Variants in CDH2 observed in about 807,000 individuals in gnomAD.
CDH2 encodes cadherin 2.
Under a neutral mutation model 92.0 loss-of-function variants are expected in CDH2, and 17 were observed. That is an observed-to-expected ratio of 0.18 (90% CI 0.13 to 0.28). The LOEUF is 0.28. Among genes scored for constraint, CDH2 ranks in the 10% least tolerant of loss-of-function variants. The probability of loss-of-function intolerance (pLI) is 1.00; values close to 1 mark genes in which losing one functional copy is unlikely to be tolerated. For missense variants in CDH2, 862 were observed against 1,133.1 expected (o/e 0.76, Z 3.44); for synonymous variants, 419 against 415.9 (o/e 1.01, Z -0.09).
At chr18:28,026,257 C>T (rs1391554534) in intron 2 of CDH2, among the ~76,000 whole-genome samples, 1 of 152,146 alleles carries the variant, frequency 6.6e-6, no homozygotes, top group African/African-American at 2.4e-5. Flanking sequence ...CTGATTTGCC[C>T]ATCAAATGAG....
chr18:27,980,794 CAAAAAAAA>C (rs777659826), intron 14 of CDH2, among the ~76,000 whole-genome samples: 1 of 75,034 alleles, frequency 1.3e-5, no homozygotes, highest in African/African-American at 4.0e-5. Context: ...TGGCTGGGGT[CAAAAAAAA>C]AAAAAAAAAA....
intron 3 of CDH2, among the ~76,000 whole-genome samples, chr18:28,013,481 A>G (rs919016294): frequency 6.6e-6 from 1 of 152,224 alleles, no homozygotes; most frequent in Non-Finnish European, 1.5e-5. Flanking sequence ...TTTAAAATAC[A>G]ATTTCTAGTT....
intron 2 of CDH2, among the ~76,000 whole-genome samples, chr18:28,132,456 G>C (rs539203264): frequency 6.6e-6 from 1 of 152,274 alleles, no homozygotes; most frequent in African/African-American, 2.4e-5. Flanking sequence ...CAGTCAAGGA[G>C]TGAGAGAACC....
chr18:27,966,406 A>T (rs1156731492), intron 14 of CDH2, among the ~76,000 whole-genome samples: 1 of 152,212 alleles, frequency 6.6e-6, no homozygotes, highest in African/African-American at 2.4e-5. Flanking sequence ...ACTGGAGATA[A>T]AAGAGGCATG....
intron 2 of CDH2, among the ~76,000 whole-genome samples, chr18:28,103,565 A>G (rs950614665): frequency 1.3e-4 from 20 of 151,756 alleles, no homozygotes; most frequent in African/African-American, 4.6e-4. Flanking sequence ...GGTTTGTTAC[A>G]TAGGTATACA....
intron 15 of CDH2, 96 bp downstream of exon 15, chr18:27,963,261 T>C (rs986386480): frequency 9.5e-7 from 1 of 1,055,452 alleles, no homozygotes; most frequent in African/African-American, 1.6e-5. Context: ...TTTAGTGAAC[T>C]ATATAGCTGT....
intron 2 of CDH2, among the ~76,000 whole-genome samples, chr18:28,081,646 A>G (rs2014831670): frequency 6.6e-6 from 1 of 152,200 alleles, no homozygotes; most frequent in Admixed American, 6.5e-5. Context: ...CTTATGTGTA[A>G]CAATGCTTGA....
At chr18:27,955,921 A>AT (rs779653822) in intron 15 of CDH2, among the ~76,000 whole-genome samples, 1 of 152,136 alleles carries the variant, frequency 6.6e-6, no homozygotes, top group African/African-American at 2.4e-5. Flanking sequence ...CCAGCTTTCT[A>AT]TGCAGGTTAA....
In CDH2 at chr18:27,951,745, T is replaced by G. The variant is rs1363460339; in HGVS notation, c.*408A>C. The stretch of plus-strand genomic sequence containing the variant: ...TTTTTTTGTTTGTTTAATTTTGTAT[T>G]TTAATAAAAGCAAATGCAATGTAAC... On this transcript the variant is annotated 3_prime_UTR_variant, in exon 16 of 16. Transcript: ENST00000269141. The G allele has an allele frequency of 1.3e-5, 2 of 159,916 alleles. No homozygotes were observed. Among genetic ancestry groups the G allele is most frequent in the African/African-American group, 4.8e-5 (2 of 41,560 alleles). 9.9% of individuals were successfully genotyped at this position (159,916 alleles called of 1,614,324 possible). A position where few individuals can be genotyped will look rare whatever the true frequency, so the allele number is the denominator to read the frequency against.
At chr18:28,176,106 G>T (rs950881429) in intron 1 of CDH2, among the ~76,000 whole-genome samples, 1 of 152,210 alleles carries the variant, frequency 6.6e-6, no homozygotes, top group African/African-American at 2.4e-5. Context: ...TCCTGCCGCG[G>T]AGGAGCCTCT....
intron 2 of CDH2, among the ~76,000 whole-genome samples, chr18:28,101,285 C>T (rs2015221906): frequency 6.6e-6 from 1 of 152,080 alleles, no homozygotes; most frequent in South Asian, 2.1e-4. Flanking sequence ...TTCAGACCTT[C>T]CCATGCCCTC....
At chr18:27,940,128 AT>A (rs1209424088) in intron 6 of CDH2, among the ~76,000 whole-genome samples, 2 of 152,078 alleles carry the variant, frequency 1.3e-5, no homozygotes, top group Non-Finnish European at 2.9e-5. Flanking sequence ...ACAAACATAA[AT>A]CCTTAAATTA....
intron 6 of CDH2, among the ~76,000 whole-genome samples, chr18:27,936,774 A>G (rs532212896): frequency 6.6e-6 from 1 of 152,124 alleles, no homozygotes; most frequent in South Asian, 2.1e-4. Context: ...GGCTCAAGTG[A>G]TCCTCCTGCC....
intron 7 of CDH2, among the ~76,000 whole-genome samples, chr18:27,996,390 AC>A (rs2143988515): frequency 6.6e-6 from 1 of 152,270 alleles, no homozygotes; most frequent in South Asian, 2.1e-4. Flanking sequence ...CCTATGATGC[AC>A]AAGACAGGCC....
At chr18:28,047,597 G>A (rs903361446) in intron 2 of CDH2, among the ~76,000 whole-genome samples, 4 of 152,194 alleles carry the variant, frequency 2.6e-5, no homozygotes, top group Middle Eastern at 3.4e-3. Context: ...GGCCGGGCGC[G>A]GTGGCTCACG....
chr18:28,006,970 G>A (rs574031718), intron 5 of CDH2, among the ~76,000 whole-genome samples: 39 of 150,926 alleles, frequency 2.6e-4, no homozygotes, highest in South Asian at 1.5e-3. Flanking sequence ...TCAGGAGTTC[G>A]AGATCAGCCT....
At chr18:28,092,829 G>A (rs1392530920) in intron 2 of CDH2, among the ~76,000 whole-genome samples, 1 of 152,094 alleles carries the variant, frequency 6.6e-6, no homozygotes, top group Non-Finnish European at 1.5e-5. Flanking sequence ...AACAGTGAGG[G>A]ATGAGGTCCA....
At chr18:27,983,414 T>C (rs1175388920) in intron 13 of CDH2, among the ~76,000 whole-genome samples, 4 of 152,214 alleles carry the variant, frequency 2.6e-5, no homozygotes, top group African/African-American at 9.7e-5. Context: ...AGAGGATAGT[T>C]GCCCTTCATA....
Position 27,985,025 on chromosome 18 carries a change from G to T in CDH2, c.2184C>A (p.Ile728=), listed in dbSNP as rs931954861. Reference sequence around the variant, plus strand: ...TAAGCAGGATGATGATGCAGAGCAGGATGGCAATGATGGCACCGGTGCCAA... The same window carrying T: ...TAAGCAGGATGATGATGCAGAGCAGTATGGCAATGATGGCACCGGTGCCAA... The part of the protein sequence containing the change: ...AGLGTGAIIA[I]LLCIIILLIL... The change falls in exon 13 of 16, where the codon ATC becomes ATA. Residue 728 remains isoleucine, a synonymous_variant. Coordinates refer to ENST00000269141, the MANE Select transcript of CDH2 (RefSeq NM_001792.5). The T allele has an allele frequency of 3.7e-6, 6 of 1,613,682 alleles. No individual in the cohort carries two copies. Among genetic ancestry groups the T allele is most frequent in the Non-Finnish European group, 3.4e-6 (4 of 1,179,582 alleles).
Sources: allele counts gnomAD v4.1 joint callset (sites outside exome capture counted in the v4.1 genomes callset), GRCh38; gene constraint gnomAD v4.1.1; transcripts MANE v1.5; gene names NCBI Gene and HGNC (gene_info 2026-07-23, HGNC 2026-07-21).